CDKN1C: variants seen among roughly 807,000 people sequenced by gnomAD.
The protein encoded by CDKN1C is cyclin dependent kinase inhibitor 1C, also known as cyclin-dependent kinase inhibitor 1C.
CDKN1C carries 7 observed loss-of-function variants against 16.5 expected under a neutral mutation model. That is an observed-to-expected ratio of 0.42 (90% CI 0.24 to 0.80). The LOEUF is 0.80. CDKN1C is among the 30% of genes least tolerant of loss of function. The probability of loss-of-function intolerance (pLI) is 0.26; values close to 1 mark genes in which losing one functional copy is unlikely to be tolerated. For synonymous variants in CDKN1C, 288 were observed against 214.4 expected (o/e 1.34, Z -3.00); for missense variants, 429 against 437.3 (o/e 0.98, Z 0.17).
Position 2,884,124 on chromosome 11 carries a change from G to A in CDKN1C, c.798C>T (p.Ala266=), listed in dbSNP as rs939444064. Residue 266 remains alanine (A), a synonymous_variant, in exon 3 of 4, where the codon GCC becomes GCT. Transcript: ENST00000440480. ...TCTCAGGCGCTGATCTCTTGCGCTT[G>A]GCGAAGAAATCTGCGGGCGACAGCG... ...LSGPLISDFF[A]KRKRSAPEKS... 9.4e-6 allele frequency: 14 copies of A among 1,495,122 alleles called. No homozygotes were observed. The highest frequency in any genetic ancestry group is 1.2e-5 in the Non-Finnish European group (13 of 1,118,614). The allele number at this position is 1,495,122 out of a possible 1,614,324, so 92.6% of individuals were successfully genotyped here.
chr11:2,885,259 C>A lies in CDKN1C; in HGVS notation c.198G>T (p.Leu66=). ...QDMPLRGPGR[L]QWTEVDSDSV... ...AGTCGCTGTCCACTTCGGTCCACTG[C>A]AGGCGTCCAGGGCCCCGCAGCGGCA... Residue 66 remains leucine, a synonymous_variant, in exon 2 of 4, where the codon CTG becomes CTT. Coordinates refer to ENST00000440480, the MANE Select transcript of CDKN1C (RefSeq NM_001122630.2). 1 of 1,570,686 alleles carries A rather than the reference C, an allele frequency of 6.4e-7. No individual in the cohort carries two copies. Among genetic ancestry groups the A allele is most frequent in the Non-Finnish European group, 8.6e-7 (1 of 1,159,718 alleles).
At position 2,884,732 on chromosome 11, in the gene CDKN1C, C is replaced by T; in HGVS notation, c.725G>A (p.Gly242Asp). ...HSGISGRPAAGTAAASANGAA... is the reference protein window; with the variant it reads ...HSGISGRPAADTAAASANGAA... ...GCCGTTGGCGCTGGCGGCCGCGGTG[C>T]CGGCCGCGGGACGTCCCGAAATCCC... is the stretch of plus-strand genomic sequence containing the variant. The change falls in exon 2 of 4, where the codon GGC becomes GAC. Residue 242 changes from glycine to aspartate, a missense_variant. By Grantham distance (94) the Gly-to-Asp change is moderately conservative. Transcript: ENST00000440480. 1 of 1,507,260 alleles carries T rather than the reference C, an allele frequency of 6.6e-7. No homozygotes were observed. Among genetic ancestry groups the T allele is most frequent in the Non-Finnish European group, 8.8e-7 (1 of 1,132,224 alleles). 93.4% of individuals were successfully genotyped at this position (1,507,260 alleles called of 1,614,324 possible). A position where few individuals can be genotyped will look rare whatever the true frequency, so the allele number is the denominator to read the frequency against.
At chr11:2,884,544 C>G (rs1007312392) in intron 2 of CDKN1C, 126 bp downstream of exon 2, 2 of 464,788 alleles carry the variant, frequency 4.3e-6, no homozygotes, top group Admixed American at 4.7e-5. Flanking sequence ...GCGCCCTGAG[C>G]GCTGCGGGCC....
In CDKN1C at chr11:2,885,018, G is replaced by C. The variant is rs483352981; in HGVS notation, c.439C>G (p.Pro147Ala). Reference protein sequence around the residue: ...PPPVPVLAPAPAPAPAPVAAP... With the variant: ...PPPVPVLAPAAAPAPAPVAAP... ...GCGACCGGAGCCGGAGCCGGGGCCG[G>C]GGCTGGAGCCAGGACCGGGACTGGG... Residue 147 changes from proline (P) to alanine (A), a missense_variant, in exon 2 of 4, where the codon CCG becomes GCG. Pro to Ala is a conservative substitution (Grantham distance 27). Transcript: ENST00000440480. 10 of 1,247,320 alleles carry C rather than the reference G, an allele frequency of 8.0e-6. No homozygotes were observed. The highest frequency in any genetic ancestry group is 1.0e-5 in the Non-Finnish European group (10 of 988,276). The allele number at this position is 1,247,320 out of a possible 1,614,324, so 77.3% of individuals were successfully genotyped here.
intron 1 of CDKN1C, 44 bp from the exon 2 acceptor site, chr11:2,885,510 C>G (rs1388956543): frequency 6.5e-7 from 1 of 1,539,648 alleles, no homozygotes; most frequent in Non-Finnish European, 8.7e-7. Context: ...TGCGCAAACG[C>G]GGGCAGCGAG....
In CDKN1C at chr11:2,884,038, G is replaced by C. The variant is rs750876855; in HGVS notation, c.884C>G (p.Ser295Trp). 1 of 1,557,340 alleles carries C rather than the reference G, an allele frequency of 6.4e-7. No individual in the cohort carries two copies. Among genetic ancestry groups the C allele is most frequent in the Non-Finnish European group, 8.7e-7 (1 of 1,151,260 alleles). ...PSPSAAPGVG[S>W]VEQTPRKRLR ...CCTCTTGCGCGGGGTCTGCTCCACC[G>C]AGCCCACGCCAGGGGCGGCGCTTGG... The change falls in exon 3 of 4, where the codon TCG (serine) becomes TGG (tryptophan). Residue 295 changes from serine (S) to tryptophan (W), a missense_variant. Ser to Trp is a radical substitution (Grantham distance 177). Transcript: ENST00000440480.
chr11:2,885,273 C>A lies in CDKN1C; in HGVS notation c.184G>T (p.Gly62Cys). The A allele has an allele frequency of 6.3e-7, 1 of 1,581,428 alleles. No homozygotes were observed. Among genetic ancestry groups the A allele is most frequent in the Non-Finnish European group, 8.6e-7 (1 of 1,165,234 alleles). Residue 62 changes from glycine (G) to cysteine (C), a missense_variant, in exon 2 of 4, where the codon GGC (glycine) becomes TGC (cysteine). By Grantham distance (159) the Gly-to-Cys change is radical. Coordinates refer to ENST00000440480, the MANE Select transcript of CDKN1C (RefSeq NM_001122630.2). ...YDFQQDMPLR[G>C]PGRLQWTEVD... ...TCGGTCCACTGCAGGCGTCCAGGGC[C>A]CCGCAGCGGCATGTCCTGCTGGAAG... is the stretch of plus-strand genomic sequence containing the variant.
chr11:2,884,578 G>T, intron 2 of CDKN1C, 92 bp downstream of exon 2: 1 of 743,020 alleles, frequency 1.3e-6, no homozygotes, highest in East Asian at 3.7e-5. Flanking sequence ...GGAGGAGGCG[G>T]GAACCCAGCG....
intron 2 of CDKN1C, 100 bp downstream of exon 2, chr11:2,884,570 A>C: frequency 1.6e-6 from 1 of 619,526 alleles, no homozygotes; most frequent in African/African-American, 1.9e-5. Flanking sequence ...ATGCCACGGG[A>C]GGAGGCGGGA....
chr11:2,884,635 C>T lies in CDKN1C; in HGVS notation c.787+35G>A, dbSNP rs755391541. 4.2e-6 allele frequency: 5 copies of T among 1,186,474 alleles called. No homozygotes were observed. In the South Asian group the frequency reaches 1.3e-4, roughly 30 times the overall value. The allele number at this position is 1,186,474 out of a possible 1,614,324, so 73.5% of individuals were successfully genotyped here. The stretch of plus-strand genomic sequence containing the variant: ...ACCGGCCGGCCGGACAAAGCGGGGC[C>T]GGGCCGGGCCGGGGCGGGGCCGTGC... On this transcript the variant is annotated intron_variant, in intron 2 of 3. Transcript: ENST00000440480.
chr11:2,884,917 GGCCGGAGCCGGAGCCGGA>G lies in CDKN1C; in HGVS notation c.522_539del (p.Ala178_Pro183del), dbSNP rs878853632. 15 of 882,226 alleles carry G rather than the reference GGCCGGAGCCGGAGCCGGA, an allele frequency of 1.7e-5. No homozygotes were observed. Among genetic ancestry groups the G allele is most frequent in the Admixed American group, 5.6e-5 (1 of 17,872 alleles). The allele number at this position is 882,226 out of a possible 1,614,324, so 54.6% of individuals were successfully genotyped here. The stretch of plus-strand genomic sequence containing the variant: ...GGGCCGGGGCCGCGACTGGAGCCGG[GGCCGGAGCCGGAGCCGGA>G]GCCGGGGCCGGGGCCGGGGCCAGGA... On this transcript the variant is annotated inframe_deletion, in exon 2 of 4. Transcript: ENST00000440480.
chr11:2,884,074 G>A lies in CDKN1C; in HGVS notation c.848C>T (p.Pro283Leu). The A allele has an allele frequency of 6.4e-7, 1 of 1,550,644 alleles. No homozygotes were observed. Among genetic ancestry groups the A allele is most frequent in the Non-Finnish European group, 8.7e-7 (1 of 1,148,150 alleles). Residue 283 changes from proline to leucine, a missense_variant, in exon 3 of 4, where the codon CCG (proline) becomes CTG (leucine). Physicochemically the swap from Pro to Leu is moderately conservative, Grantham distance 98. Transcript: ENST00000440480. ...AGGGGCGGCGCTTGGAGAGGGACACGGCGCGGGGACATCGCCCGACGACTT... is the reference window on the plus strand; with the variant it reads ...AGGGGCGGCGCTTGGAGAGGGACACAGCGCGGGGACATCGCCCGACGACTT... ...PEKSSGDVPA[P>L]CPSPSAAPGV...
Position 2,883,981 on chromosome 11 carries a change from C to CA in CDKN1C, c.*5+17dup. ...GGCGGGTCGGCCCTCCGCGCCCCCC[C>CA]AGGTGCGCTGTACTCACTTGGCTCA... On this transcript the variant is annotated intron_variant, in intron 3 of 3. Coordinates refer to ENST00000440480, the MANE Select transcript of CDKN1C (RefSeq NM_001122630.2). 1.1e-5 allele frequency: 17 copies of CA among 1,562,448 alleles called. No homozygotes were observed. Among genetic ancestry groups the CA allele is most frequent in the Non-Finnish European group, 1.4e-5 (16 of 1,154,314 alleles).
rs968382555 is a variant in CDKN1C at position 2,883,383 on chromosome 11, G to A, written c.*538C>T. ...GCGCGAAGAGACTGCAAGCTAGATG[G>A]GCATGTATGGCAGCTACAGCTTGTG... On this transcript the variant is annotated 3_prime_UTR_variant, in exon 4 of 4. Coordinates refer to ENST00000440480, the MANE Select transcript of CDKN1C (RefSeq NM_001122630.2). The A allele has an allele frequency of 3.8e-5, 6 of 157,282 alleles. No homozygotes were observed. Among genetic ancestry groups the A allele is most frequent in the Admixed American group, 1.9e-4 (3 of 15,540 alleles). 9.7% of individuals were successfully genotyped at this position (157,282 alleles called of 1,614,324 possible).
At position 2,883,741 on chromosome 11, in the gene CDKN1C, A is replaced by G; in HGVS notation, c.*180T>C. On this transcript the variant is annotated 3_prime_UTR_variant, in exon 4 of 4. Coordinates refer to ENST00000440480, the MANE Select transcript of CDKN1C (RefSeq NM_001122630.2). ...CTTCTCGTGCAGAATACATTTAGAT[A>G]TAAAAAGACGTTATTAATACATTGC... 9.9e-6 allele frequency: 14 copies of G among 1,418,128 alleles called. No homozygotes were observed. Among genetic ancestry groups the G allele is most frequent in the Non-Finnish European group, 1.3e-5 (14 of 1,087,254 alleles). 87.8% of individuals were successfully genotyped at this position (1,418,128 alleles called of 1,614,324 possible).
chr11:2,884,162 C>A, intron 2 of CDKN1C, 28 bp from the exon 3 acceptor site: 1 of 1,391,326 alleles, frequency 7.2e-7, no homozygotes, highest in South Asian at 1.5e-5. Flanking sequence ...CGCGGCCGGT[C>A]AGGGCGGGGC....
Position 2,885,270 on chromosome 11 carries a change from G to T in CDKN1C, c.187C>A (p.Pro63Thr). 1 of 1,579,512 alleles carries T rather than the reference G, an allele frequency of 6.3e-7. No individual in the cohort carries two copies. Among genetic ancestry groups the T allele is most frequent in the Non-Finnish European group, 8.6e-7 (1 of 1,164,264 alleles). The change falls in exon 2 of 4, where the codon CCT becomes ACT. Residue 63 changes from proline (P) to threonine (T), a missense_variant. Pro to Thr is a conservative substitution (Grantham distance 38). Transcript: ENST00000440480. ...DFQQDMPLRG[P>T]GRLQWTEVDS... ...ACTTCGGTCCACTGCAGGCGTCCAGGGCCCCGCAGCGGCATGTCCTGCTGG... is the reference window on the plus strand; with the variant it reads ...ACTTCGGTCCACTGCAGGCGTCCAGTGCCCCGCAGCGGCATGTCCTGCTGG...
intron 2 of CDKN1C, 175 bp downstream of exon 2, chr11:2,884,495 G>A (rs903513294): frequency 2.0e-5 from 7 of 358,232 alleles, no homozygotes; most frequent in African/African-American, 1.1e-4. Flanking sequence ...CCGCTGGAGG[G>A]CACAACAACG....
rs752482298 is a variant in CDKN1C at position 2,885,416 on chromosome 11, A to C, written c.41T>G (p.Val14Gly). 6.4e-7 allele frequency: 1 copy of C among 1,552,494 alleles called. No homozygotes were observed. The change falls in exon 2 of 4, where the codon GTG becomes GGG. Residue 14 changes from valine (V) to glycine (G), a missense_variant. Coordinates refer to ENST00000440480, the MANE Select transcript of CDKN1C (RefSeq NM_001122630.2). Reference protein sequence around the residue: ...LVARGTFPVLVRTSACRSLFG... With the variant: ...LVARGTFPVLGRTSACRSLFG... ...GAGGCTGCGGCAGGCGCTGGTGCGC[A>C]CTAGTACTGGGAAGGTCCCACGGGC...
Sources: allele counts gnomAD v4.1 joint callset, GRCh38; gene constraint gnomAD v4.1.1; transcripts MANE v1.5; gene names NCBI Gene and HGNC (gene_info 2026-07-23, HGNC 2026-07-21).